Variants in TMEM234 observed in about 807,000 individuals in gnomAD.
The protein encoded by TMEM234 is transmembrane protein 234.
A neutral mutation model predicts 17.8 loss-of-function variants in TMEM234; 21 were observed. The ratio of observed to expected loss-of-function variants is 1.18; its 90% CI spans 0.84 to 1.70. TMEM234 has a LOEUF of 1.70. Ranked by LOEUF, TMEM234 falls within the 40% of genes most tolerant of loss-of-function variation. The pLI is 0.00. For missense variants in TMEM234, 137 were observed against 166.9 expected (o/e 0.82, Z 0.99); for synonymous variants, 83 against 73.5 (o/e 1.13, Z -0.66).
chr1:32,218,628 C>T (rs1047757317), intron 3 of TMEM234, among the ~76,000 whole-genome samples: 1 of 151,982 alleles, frequency 6.6e-6, no homozygotes, highest in African/African-American at 2.4e-5. Flanking sequence ...CATGGAGAAA[C>T]CCCGTCTCTA....
intron 3 of TMEM234, 98 bp from the exon 4 acceptor site, chr1:32,217,449 T>C (rs1638500354): frequency 6.4e-7 from 1 of 1,571,590 alleles, no homozygotes; most frequent in African/African-American, 1.4e-5. Flanking sequence ...TTAAAAAAGG[T>C]ATCAAAACCC....
At chr1:32,215,348 G>T, downstream of TMEM234, 1 of 1,096,156 alleles carries the variant, frequency 9.1e-7, no homozygotes, top group East Asian at 2.6e-5. Flanking sequence ...ACCAGGTTCA[G>T]GGGAGGGAAA....
Position 32,216,246 on chromosome 1 carries a change from T to C in TMEM234, c.*607A>G, listed in dbSNP as rs1180359994. 1 of 1,347,208 alleles carries C rather than the reference T, an allele frequency of 7.4e-7. No individual in the cohort carries two copies. Among genetic ancestry groups the C allele is most frequent in the East Asian group, 2.5e-5 (1 of 39,422 alleles). 83.5% of individuals were successfully genotyped at this position (1,347,208 alleles called of 1,614,324 possible). ...GACAGCTACTACTCGCCAGGTGTGC[T>C]GGAGTCAGGTGGGGCTGGGGCTCAC... On this transcript the variant is annotated 3_prime_UTR_variant, in exon 5 of 5. Transcript: ENST00000309777.
In TMEM234 at chr1:32,222,335, G is replaced by T; in HGVS notation, c.-13C>A. The T allele has an allele frequency of 6.4e-7, 1 of 1,564,478 alleles. No homozygotes were observed. The highest frequency in any genetic ancestry group is 8.7e-7 in the Non-Finnish European group (1 of 1,152,110). ...GAGACGCCGCCATGGCAACGCCGCT[G>T]TCTTCTACTTCCGGGAACGAAGGGG... is the stretch of plus-strand genomic sequence containing the variant. On this transcript the variant is annotated 5_prime_UTR_variant, in exon 1 of 5. Transcript: ENST00000309777.
At chr1:32,222,093 G>T in intron 1 of TMEM234, 75 bp from the exon 2 acceptor site, 2 of 1,503,720 alleles carry the variant, frequency 1.3e-6, no homozygotes, top group Non-Finnish European at 1.8e-6. Flanking sequence ...TGGCCTTCTA[G>T]CCCCAGCTAG....
downstream of TMEM234, chr1:32,214,808 CA>C: frequency 6.2e-7 from 1 of 1,613,964 alleles, no homozygotes. Context: ...CCCAAGGCCA[CA>C]GGGCCCAGGT....
At chr1:32,222,169 G>A (rs1176359069) in intron 1 of TMEM234, 138 bp downstream of exon 1, 14 of 1,502,980 alleles carry the variant, frequency 9.3e-6, no homozygotes, top group Admixed American at 8.9e-5. Context: ...GCAGGCCCAG[G>A]GAAGCTAGGG....
downstream of TMEM234, chr1:32,215,025 A>T: frequency 6.6e-7 from 1 of 1,506,472 alleles, no homozygotes; most frequent in Non-Finnish European, 8.9e-7. Flanking sequence ...CCATGGGAGC[A>T]GAATGCTCAG....
In TMEM234 at chr1:32,216,439, A is replaced by G; in HGVS notation, c.*414T>C. On this transcript the variant is annotated 3_prime_UTR_variant, in exon 5 of 5. Coordinates refer to ENST00000309777, the MANE Select transcript of TMEM234 (RefSeq NM_019118.5). ...CCAAAGCGCTCTGACTGAGTCCCAG[A>G]GGCCTCCCGTTTGCATTTCTGGCTC... 6.4e-7 allele frequency: 1 copy of G among 1,551,660 alleles called. No homozygotes were observed. Among genetic ancestry groups the G allele is most frequent in the Non-Finnish European group, 8.7e-7 (1 of 1,146,990 alleles).
At chr1:32,221,839 G>A in intron 2 of TMEM234, 28 bp downstream of exon 2, 3 of 1,611,948 alleles carry the variant, frequency 1.9e-6, no homozygotes, top group Non-Finnish European at 2.5e-6. Context: ...CAACTCCACC[G>A]AGAGAGGGGC....
At position 32,216,401 on chromosome 1, in the gene TMEM234, AC is replaced by A. The variant is rs1388111155; in HGVS notation, c.*451del. 2 of 1,551,148 alleles carry A rather than the reference AC, an allele frequency of 1.3e-6. No individual in the cohort carries two copies. The highest frequency in any genetic ancestry group is 2.7e-5 in the African/African-American group (2 of 72,920). On this transcript the variant is annotated 3_prime_UTR_variant, in exon 5 of 5. Coordinates refer to ENST00000309777, the MANE Select transcript of TMEM234 (RefSeq NM_019118.5). ...CGACGCACCTTCTTCCCTCGGTTCC[AC>A]CCCTCATTCAGCCAAAGCGCTCTGA...
intron 3 of TMEM234, among the ~76,000 whole-genome samples, chr1:32,218,036 C>T (rs894084219): frequency 6.6e-6 from 1 of 152,336 alleles, no homozygotes; most frequent in East Asian, 1.9e-4. Context: ...TGGGCTGGAC[C>T]TGTGGTGTGG....
At chr1:32,215,363 C>A, downstream of TMEM234, 1 of 1,236,270 alleles carries the variant, frequency 8.1e-7, no homozygotes, top group Non-Finnish European at 1.1e-6. Context: ...GGGAAAGGGG[C>A]TAGCATGAAG....
At chr1:32,218,151 A>C (rs1638578539) in intron 3 of TMEM234, among the ~76,000 whole-genome samples, 1 of 152,226 alleles carries the variant, frequency 6.6e-6, no homozygotes. Context: ...GGCTGGGTGC[A>C]GGGTGGCTCA....
At position 32,216,497 on chromosome 1, in the gene TMEM234, G is replaced by A. The variant is rs1183553506; in HGVS notation, c.*356C>T. ...GCAGCTGGCCCTTTCCATGCAGCTGGAGTTCTGCAGTCCATGGAACCTGCC... is the reference window on the plus strand; with the variant it reads ...GCAGCTGGCCCTTTCCATGCAGCTGAAGTTCTGCAGTCCATGGAACCTGCC... On this transcript the variant is annotated 3_prime_UTR_variant, in exon 5 of 5. Coordinates refer to ENST00000309777, the MANE Select transcript of TMEM234 (RefSeq NM_019118.5). 1.3e-6 allele frequency: 2 copies of A among 1,551,702 alleles called. No homozygotes were observed. Among genetic ancestry groups the A allele is most frequent in the East Asian group, 2.4e-5 (1 of 40,928 alleles).
Position 32,216,695 on chromosome 1 carries a change from G to A in TMEM234, c.*158C>T. ...AAGGTTACAAAACTCTTTCACTCTT[G>A]TTCTCTTATTGTGATCCATGAGGTA... On this transcript the variant is annotated 3_prime_UTR_variant, in exon 5 of 5. Coordinates refer to ENST00000309777, the MANE Select transcript of TMEM234 (RefSeq NM_019118.5). The A allele has an allele frequency of 2.7e-6, 4 of 1,494,358 alleles. No individual in the cohort carries two copies. In the South Asian group the frequency reaches 4.0e-5, roughly 15 times the overall value. 92.6% of individuals were successfully genotyped at this position (1,494,358 alleles called of 1,614,324 possible).
In TMEM234 at chr1:32,216,399, C is replaced by T. The variant is rs1638384842; in HGVS notation, c.*454G>A. On this transcript the variant is annotated 3_prime_UTR_variant, in exon 5 of 5. Transcript: ENST00000309777. ...TCCGACGCACCTTCTTCCCTCGGTT[C>T]CACCCCTCATTCAGCCAAAGCGCTC... 6.4e-7 allele frequency: 1 copy of T among 1,551,528 alleles called. No homozygotes were observed. The highest frequency in any genetic ancestry group is 8.7e-7 in the Non-Finnish European group (1 of 1,146,928).
At chr1:32,218,883 A>G (rs542837737) in intron 3 of TMEM234, among the ~76,000 whole-genome samples, 1 of 152,302 alleles carries the variant, frequency 6.6e-6, no homozygotes, top group East Asian at 1.9e-4. Flanking sequence ...GGTTGCAGTG[A>G]CCAGAGATTG....
chr1:32,215,170 A>G, downstream of TMEM234: 1 of 621,996 alleles, frequency 1.6e-6, no homozygotes, highest in South Asian at 2.3e-5. Context: ...CCCCGTCTGT[A>G]TATCCTGTCC....
Sources: allele counts gnomAD v4.1 joint callset (sites outside exome capture counted in the v4.1 genomes callset), GRCh38; gene constraint gnomAD v4.1.1; transcripts MANE v1.5; gene names NCBI Gene and HGNC (gene_info 2026-07-23, HGNC 2026-07-21).